The following ABTB2 variants were observed in gnomAD, a reference collection of about 807,000 sequenced individuals.
The protein encoded by ABTB2 is ankyrin repeat and BTB domain containing 2.
In ABTB2, 56 loss-of-function variants were observed where a neutral mutation model predicts 104.1. That is an observed-to-expected ratio of 0.54 (90% CI 0.43 to 0.67). The LOEUF (loss-of-function observed/expected upper bound fraction) is 0.67, where lower values mean the gene tolerates loss of function less well. Ranked by LOEUF, ABTB2 falls within the 30% of genes least tolerant of loss-of-function variation. The pLI, the probability that ABTB2 is intolerant of heterozygous loss-of-function variation, is 0.00. For missense variants in ABTB2, 1,279 were observed against 1,407.7 expected (o/e 0.91, Z 1.46); for synonymous variants, 606 against 608.2 (o/e 1.00, Z 0.05).
At chr11:34,207,002 TC>T (rs1398316429) in intron 1 of ABTB2, among the ~76,000 whole-genome samples, 1 of 152,132 alleles carries the variant, frequency 6.6e-6, no homozygotes, top group Non-Finnish European at 1.5e-5. Flanking sequence ...GATTGGGCTC[TC>T]CCCCGCAGCC....
intron 1 of ABTB2, among the ~76,000 whole-genome samples, chr11:34,339,057 T>C (rs1323897434): frequency 1.3e-5 from 2 of 152,198 alleles, no homozygotes; most frequent in African/African-American, 2.4e-5. Context: ...AAGCCTTATG[T>C]TAACTGTTTT....
At chr11:34,249,323 G>A (rs1854025637) in intron 1 of ABTB2, among the ~76,000 whole-genome samples, 2 of 152,198 alleles carry the variant, frequency 1.3e-5, no homozygotes, top group Non-Finnish European at 2.9e-5. Context: ...AGTGTAGGAC[G>A]ATATATGTAT....
chr11:34,154,592 T>C lies in ABTB2; in HGVS notation c.2766+109A>G. On this transcript the variant is annotated intron_variant, in intron 15 of 16. Transcript: ENST00000435224. The surrounding 1 kb of genome is among the most constrained non-coding windows in gnomAD (Gnocchi z 4.9). ...CAGTTCCTCTTTCTGGGAACTGCTC[T>C]TCCTGTCAGATGGAGAGGAAGAGCC... 1.7e-6 allele frequency: 2 copies of C among 1,162,112 alleles called. No homozygotes were observed. Among genetic ancestry groups the C allele is most frequent in the Non-Finnish European group, 2.5e-6 (2 of 792,070 alleles). 72.0% of individuals were successfully genotyped at this position (1,162,112 alleles called of 1,614,324 possible).
chr11:34,340,970 G>A (rs190942700), intron 1 of ABTB2, among the ~76,000 whole-genome samples: 1 of 152,300 alleles, frequency 6.6e-6, no homozygotes, highest in East Asian at 1.9e-4. Flanking sequence ...AATATCAACA[G>A]TAGGAACAGT....
chr11:34,228,784 CA>C lies in ABTB2; in HGVS notation c.884-24095del, dbSNP rs913779486. On this transcript the variant is annotated intron_variant, in intron 1 of 16. Coordinates refer to ENST00000435224, the MANE Select transcript of ABTB2 (RefSeq NM_145804.3). The stretch of plus-strand genomic sequence containing the variant: ...GGCTCCAATTTCTCCACATCCTCAC[CA>C]ACACTTATTATCTGTCTGTTTGGTT... 3.5e-4 allele frequency among the ~76,000 whole-genome samples: 53 copies of C among 152,220 alleles called. 1 individual carries two copies. Among genetic ancestry groups the C allele is most frequent in the African/African-American group, 1.3e-3 (52 of 41,544 alleles).
intron 1 of ABTB2, among the ~76,000 whole-genome samples, chr11:34,258,121 C>G (rs938688489): frequency 3.3e-5 from 5 of 152,148 alleles, no homozygotes; most frequent in African/African-American, 1.2e-4. Context: ...CTCAATAACT[C>G]CAATCTGTGT....
chr11:34,219,364 G>A (rs1448352018), intron 1 of ABTB2, among the ~76,000 whole-genome samples: 1 of 151,980 alleles, frequency 6.6e-6, no homozygotes, highest in Non-Finnish European at 1.5e-5. Flanking sequence ...GGGCAACATG[G>A]CAAGACCCTG....
chr11:34,182,126 GCAGGGC>G (rs1211330202), intron 3 of ABTB2, among the ~76,000 whole-genome samples: 1 of 152,220 alleles, frequency 6.6e-6, no homozygotes. Context: ...GGCTGGCTCT[GCAGGGC>G]CAGCAATGAG....
At chr11:34,245,124 T>C (rs371053897) in intron 1 of ABTB2, among the ~76,000 whole-genome samples, 1 of 152,226 alleles carries the variant, frequency 6.6e-6, no homozygotes. Flanking sequence ...CTACTATTAT[T>C]ATAATGGCTG....
intron 1 of ABTB2, among the ~76,000 whole-genome samples, chr11:34,246,938 T>C (rs1853992788): frequency 6.6e-6 from 1 of 150,914 alleles, no homozygotes; most frequent in Non-Finnish European, 1.5e-5. Context: ...ACCTCTGTCT[T>C]CCGGGTTCAA....
intron 1 of ABTB2, among the ~76,000 whole-genome samples, chr11:34,251,218 G>T (rs1854051711): frequency 6.6e-6 from 1 of 152,222 alleles, no homozygotes; most frequent in Admixed American, 6.5e-5. Flanking sequence ...AATAGAGCGG[G>T]TGAGGCTGCC....
rs567195979 is a variant in ABTB2, at chr11:34,195,081, G to A, written c.1244+2244C>T. Among the ~76,000 whole-genome samples the A allele has an allele frequency of 4.9e-5, 5 of 102,622 alleles. 1 individual carries two copies. Among genetic ancestry groups the A allele is most frequent in the Admixed American group, 4.3e-4 (5 of 11,572 alleles). The allele number at this position is 102,622 out of a possible 152,430, so 67.3% of individuals were successfully genotyped here. On this transcript the variant is annotated intron_variant, in intron 3 of 16. Coordinates refer to ENST00000435224, the MANE Select transcript of ABTB2 (RefSeq NM_145804.3). ...ACATGACAAAGATGCCCGGCGGGGGGGGGGAGTGGGGGCGGGAGAAAGTGC... is the reference window on the plus strand; with the variant it reads ...ACATGACAAAGATGCCCGGCGGGGGAGGGGAGTGGGGGCGGGAGAAAGTGC...
intron 5 of ABTB2, among the ~76,000 whole-genome samples, chr11:34,169,982 C>A (rs1852848428): frequency 6.6e-6 from 1 of 152,224 alleles, no homozygotes; most frequent in Admixed American, 6.5e-5. Flanking sequence ...TCTGAGAACA[C>A]TGCCTTAACT....
At chr11:34,223,092 C>T (rs1341142038) in intron 1 of ABTB2, among the ~76,000 whole-genome samples, 2 of 152,174 alleles carry the variant, frequency 1.3e-5, no homozygotes, top group Admixed American at 6.5e-5. Flanking sequence ...AAATTAGGCT[C>T]ATTAAAAAGC....
chr11:34,187,573 C>T (rs1160198244), intron 3 of ABTB2, among the ~76,000 whole-genome samples: 1 of 150,950 alleles, frequency 6.6e-6, no homozygotes, highest in African/African-American at 2.4e-5. Context: ...TCATAGCTCA[C>T]AGCAGTCTTG....
At chr11:34,187,424 C>T (rs973320279) in intron 3 of ABTB2, among the ~76,000 whole-genome samples, 2 of 151,598 alleles carry the variant, frequency 1.3e-5, no homozygotes, top group East Asian at 1.9e-4. Flanking sequence ...GGCTAAATTT[C>T]GTAGATGTCC....
chr11:34,357,128 C>T lies in ABTB2; in HGVS notation c.456G>A (p.Lys152=). Residue 152 remains lysine (K), a synonymous_variant, in exon 1 of 17, where the codon AAG becomes AAA. Coordinates refer to ENST00000435224, the MANE Select transcript of ABTB2 (RefSeq NM_145804.3). The stretch of plus-strand genomic sequence containing the variant: ...CGCTCTGCACCTCAAAGCGGGTGCA[C>T]TTGGCGTGCAGCACGCTCAGGCGCT... The part of the protein sequence containing the change: ...EAQRLSVLHA[K]CTRFEVQSAV... The T allele has an allele frequency of 2.0e-6, 3 of 1,508,426 alleles. No individual in the cohort carries two copies. Among genetic ancestry groups the T allele is most frequent in the Middle Eastern group, 3.9e-4 (2 of 5,106 alleles). The allele number at this position is 1,508,426 out of a possible 1,614,324, so 93.4% of individuals were successfully genotyped here.
chr11:34,199,674 C>T (rs1008428234), intron 2 of ABTB2, among the ~76,000 whole-genome samples: 26 of 152,218 alleles, frequency 1.7e-4, no homozygotes, highest in African/African-American at 4.8e-4. Flanking sequence ...TTAAGCCCCA[C>T]CCCTGGCGAT....
rs185253689 is a variant in ABTB2, at chr11:34,216,107, T to C, written c.884-11417A>G. On this transcript the variant is annotated intron_variant, in intron 1 of 16. Transcript: ENST00000435224. ...AATGGGGGTCCCTACCCTCATGAAGTTGGCAGTCTAGTGGAGGAGGGAAGA... is the reference window on the plus strand; with the variant it reads ...AATGGGGGTCCCTACCCTCATGAAGCTGGCAGTCTAGTGGAGGAGGGAAGA... Among the ~76,000 whole-genome samples the C allele has an allele frequency of 3.4e-3, 525 of 152,318 alleles. 1 individual carries two copies. Among genetic ancestry groups the C allele is most frequent in the Admixed American group, 8.3e-3 (127 of 15,304 alleles).
Sources: allele counts gnomAD v4.1 joint callset (sites outside exome capture counted in the v4.1 genomes callset), GRCh38; gene constraint gnomAD v4.1.1; non-coding constraint Gnocchi (gnomAD v3.1); transcripts MANE v1.5; gene names NCBI Gene and HGNC (gene_info 2026-07-23, HGNC 2026-07-21).